Variants in CPS1 observed in about 807,000 individuals in gnomAD.
CPS1 encodes carbamoyl-phosphate synthase 1.
In CPS1, 109 loss-of-function variants were observed where a neutral mutation model predicts 174.6. That is an observed-to-expected ratio of 0.62 (90% CI 0.53 to 0.73). The LOEUF is 0.73. CPS1 is among the 30% of genes least tolerant of loss of function. The probability of loss-of-function intolerance (pLI) is 0.00; values close to 1 mark genes in which losing one functional copy is unlikely to be tolerated. For missense variants in CPS1, 1,689 were observed against 1,821.9 expected (o/e 0.93, Z 1.33); for synonymous variants, 637 against 632.0 (o/e 1.01, Z -0.12).
At chr2:210,489,877 A>G (rs1002970675) in intron 1 of CPS1, among the ~76,000 whole-genome samples, 1 of 152,018 alleles carries the variant, frequency 6.6e-6, no homozygotes, top group Non-Finnish European at 1.5e-5. Context: ...GGACGCCTGT[A>G]GTCCCAGCTA....
At chr2:210,612,840 A>G (rs1401958038) in intron 20 of CPS1, among the ~76,000 whole-genome samples, 2 of 151,930 alleles carry the variant, frequency 1.3e-5, no homozygotes, top group African/African-American at 4.8e-5. Flanking sequence ...TACTTTCAGG[A>G]AAAAAGGCCC....
chr2:210,626,797 G>A (rs541587503), intron 21 of CPS1, among the ~76,000 whole-genome samples: 4 of 152,162 alleles, frequency 2.6e-5, no homozygotes, highest in Non-Finnish European at 4.4e-5. Flanking sequence ...TTATTAACCA[G>A]TGAAGAAGGT....
At chr2:210,638,491 A>C (rs1300470459) in intron 22 of CPS1, among the ~76,000 whole-genome samples, 1 of 152,154 alleles carries the variant, frequency 6.6e-6, no homozygotes, top group African/African-American at 2.4e-5. Flanking sequence ...CTGTGTGCTC[A>C]AGGGGCACGT....
At chr2:210,595,226 A>G (rs1259222124) in intron 12 of CPS1, among the ~76,000 whole-genome samples, 1 of 151,858 alleles carries the variant, frequency 6.6e-6, no homozygotes, top group Admixed American at 6.6e-5. Context: ...GGATATTTAT[A>G]TATGTTTAAA....
intron 1 of CPS1, among the ~76,000 whole-genome samples, chr2:210,481,819 G>A (rs1484881756): frequency 1.3e-5 from 2 of 152,250 alleles, no homozygotes; most frequent in Admixed American, 1.3e-4. Context: ...CTACTTCAGG[G>A]CAATAGGAAT....
chr2:210,496,420 T>G (rs866092021), intron 1 of CPS1, among the ~76,000 whole-genome samples: 8 of 152,280 alleles, frequency 5.3e-5, no homozygotes, highest in Middle Eastern at 6.8e-3. Flanking sequence ...CCTTTTCTTC[T>G]AGACACAAAT....
intron 1 of CPS1, among the ~76,000 whole-genome samples, chr2:210,482,613 G>A (rs186467584): frequency 0.013 from 2,043 of 151,886 alleles, 44 homozygotes; most frequent in African/African-American, 0.046. Context: ...TAATCTTAAT[G>A]TGATTCTTTT....
intron 2 of CPS1, among the ~76,000 whole-genome samples, chr2:210,575,240 A>G (rs1697652192): frequency 6.6e-6 from 1 of 152,152 alleles, no homozygotes; most frequent in South Asian, 2.1e-4. Flanking sequence ...TATGTTGACT[A>G]CTGCCTGCGT....
chr2:210,494,666 T>TG (rs35851828), intron 1 of CPS1, among the ~76,000 whole-genome samples: 39,084 of 152,144 alleles, frequency 0.26, 5,137 homozygotes, highest in Middle Eastern at 0.38. Flanking sequence ...GGATCATGGC[T>TG]GGGCTAGGTC....
chr2:210,502,759 G>T (rs1418871631), intron 1 of CPS1, among the ~76,000 whole-genome samples: 2 of 152,008 alleles, frequency 1.3e-5, no homozygotes, highest in East Asian at 3.9e-4. Context: ...GCTCTAATAA[G>T]ATATCAAAAT....
At chr2:210,519,672 C>A in intron 1 of CPS1, 2 of 822,526 alleles carry the variant, frequency 2.4e-6, no homozygotes, top group Non-Finnish European at 2.9e-6. Flanking sequence ...TAGACACAGG[C>A]ACGTGACCCA....
intron 26 of CPS1, 151 bp downstream of exon 26, chr2:210,648,208 T>G: frequency 2.5e-6 from 2 of 787,988 alleles, no homozygotes; most frequent in Non-Finnish European, 4.2e-6. Flanking sequence ...ATATCCATGA[T>G]TGCAGTTAAT....
chr2:210,605,354 C>A, intron 17 of CPS1, 108 bp downstream of exon 17: 1 of 1,186,976 alleles, frequency 8.4e-7, no homozygotes, highest in Non-Finnish European at 1.2e-6. Context: ...TTCTAGTTGA[C>A]AGACTAGTGA....
At chr2:210,519,667 A>G (rs1695769919) in intron 1 of CPS1, 1 of 777,380 alleles carries the variant, frequency 1.3e-6, no homozygotes, top group Non-Finnish European at 1.6e-6. Context: ...GCATCTAGAC[A>G]CAGGCACGTG....
chr2:210,517,360 T>A (rs1306886931), intron 1 of CPS1, among the ~76,000 whole-genome samples: 1 of 152,016 alleles, frequency 6.6e-6, no homozygotes, highest in Non-Finnish European at 1.5e-5. Flanking sequence ...CACGGCGTGC[T>A]CATGACTTAT....
At chr2:210,498,516 A>G (rs1175753158) in intron 1 of CPS1, among the ~76,000 whole-genome samples, 1 of 152,142 alleles carries the variant, frequency 6.6e-6, no homozygotes, top group Non-Finnish European at 1.5e-5. Context: ...TGTATTGTGA[A>G]TCTTTACAAA....
chr2:210,519,674 C>T (rs551442291), intron 1 of CPS1: 147 of 868,530 alleles, frequency 1.7e-4, no homozygotes, highest in Non-Finnish European at 2.0e-4. Context: ...GACACAGGCA[C>T]GTGACCCAAG....
chr2:210,565,168 G>A (rs183729718), intron 1 of CPS1, among the ~76,000 whole-genome samples: 16 of 151,972 alleles, frequency 1.1e-4, no homozygotes, highest in Admixed American at 8.5e-4. Context: ...GGAAAATTCC[G>A]TTTTAGTCCT....
intron 29 of CPS1, 100 bp from the exon 30 acceptor site, chr2:210,656,425 G>A: frequency 1.3e-6 from 1 of 795,908 alleles, no homozygotes; most frequent in Non-Finnish European, 2.2e-6. Flanking sequence ...TTAGTGCTCA[G>A]TGCATCTGTT....
Sources: allele counts gnomAD v4.1 joint callset (sites outside exome capture counted in the v4.1 genomes callset), GRCh38; gene constraint gnomAD v4.1.1; transcripts MANE v1.5; gene names NCBI Gene and HGNC (gene_info 2026-07-23, HGNC 2026-07-21).